The following AGMO variants were observed in gnomAD, a reference collection of about 807,000 sequenced individuals.
AGMO encodes glyceryl-ether monooxygenase.
Under a neutral mutation model 60.2 loss-of-function variants are expected in AGMO, and 75 were observed. That is an observed-to-expected ratio of 1.25 (90% confidence interval 1.03 to 1.51). The LOEUF (loss-of-function observed/expected upper bound fraction) is 1.51, where lower values mean the gene tolerates loss of function less well. Among genes scored for constraint, AGMO ranks in the 40% most tolerant of loss-of-function variants. The probability of loss-of-function intolerance (pLI) is 0.00; values close to 1 mark genes in which losing one functional copy is unlikely to be tolerated. For synonymous variants in AGMO, 261 were observed against 177.1 expected, an observed-to-expected ratio of 1.47 and a Z score of -3.76; for missense variants, 763 against 525.5, an observed-to-expected ratio of 1.45 and a Z score of -4.42.
intron 5 of AGMO, among the ~76,000 whole-genome samples, chr7:15,401,879 A>C (rs950617635): frequency 1.3e-5 from 2 of 152,066 alleles, no homozygotes; most frequent in Non-Finnish European, 2.9e-5. Flanking sequence ...CTCATAGTGG[A>C]ATAGATGTCT....
At chr7:15,254,173 T>C (rs1005060186) in intron 12 of AGMO, among the ~76,000 whole-genome samples, 1 of 152,204 alleles carries the variant, frequency 6.6e-6, no homozygotes, top group African/African-American at 2.4e-5. Flanking sequence ...ATATTGGTTA[T>C]CTTAATAGTG....
At chr7:15,475,529 TG>T in intron 3 of AGMO, among the ~76,000 whole-genome samples, 1 of 151,786 alleles carries the variant, frequency 6.6e-6, no homozygotes. Flanking sequence ...CATCACACAC[TG>T]GGGCCTGTCG....
chr7:15,557,199 C>T (rs116777152), intron 2 of AGMO, among the ~76,000 whole-genome samples: 2,286 of 152,076 alleles, frequency 0.015, 45 homozygotes, highest in African/African-American at 0.052. Flanking sequence ...ACATGAATGG[C>T]GAAGTGGAAA....
chr7:15,211,685 T>C (rs758474957), intron 12 of AGMO, among the ~76,000 whole-genome samples: 10 of 152,042 alleles, frequency 6.6e-5, no homozygotes, highest in Non-Finnish European at 1.5e-4. Flanking sequence ...CACTCACTAT[T>C]ACCAAACTAC....
chr7:15,372,847 T>TA (rs1783273847), intron 10 of AGMO, among the ~76,000 whole-genome samples: 1 of 152,262 alleles, frequency 6.6e-6, no homozygotes, highest in Non-Finnish European at 1.5e-5. Context: ...GAAATTATTC[T>TA]AAATTAGTTC....
At chr7:15,296,145 A>T (rs57215581) in intron 12 of AGMO, among the ~76,000 whole-genome samples, 10,438 of 152,180 alleles carry the variant, frequency 0.069, 537 homozygotes, top group South Asian at 0.2. Context: ...TTTTATAGTG[A>T]ATGGGACTAT....
intron 12 of AGMO, among the ~76,000 whole-genome samples, chr7:15,308,992 T>C (rs1282362488): frequency 6.6e-6 from 1 of 152,174 alleles, no homozygotes; most frequent in Admixed American, 6.6e-5. Context: ...TATTTGTTAA[T>C]GGTAAGCAAC....
intron 12 of AGMO, among the ~76,000 whole-genome samples, chr7:15,232,429 T>C (rs1782286841): frequency 6.6e-6 from 1 of 152,196 alleles, no homozygotes; most frequent in Non-Finnish European, 1.5e-5. Context: ...ACGTTCTTTC[T>C]TAGTAAACCA....
At chr7:15,175,302 A>G in the AGMO span, among the ~76,000 whole-genome samples, 1 of 151,922 alleles carries the variant, frequency 6.6e-6, no homozygotes, top group African/African-American at 2.4e-5. Flanking sequence ...TCCAGTACAA[A>G]AGGGAGTATT....
intron 12 of AGMO, among the ~76,000 whole-genome samples, chr7:15,210,594 T>A (rs1781561440): frequency 6.6e-6 from 1 of 152,156 alleles, no homozygotes; most frequent in Non-Finnish European, 1.5e-5. Context: ...GGAGCTTCAG[T>A]AATCTATATT....
At position 15,539,627 on chromosome 7, in the gene AGMO, A is replaced by G. The variant is rs375387821; in HGVS notation, c.409+5145T>C. 4.5e-4 allele frequency among the ~76,000 whole-genome samples: 68 copies of G among 152,276 alleles called. 1 individual carries two copies. The highest frequency in any genetic ancestry group is 1.6e-3 in the African/African-American group (67 of 41,552). On this transcript the variant is annotated intron_variant, in intron 3 of 12. Coordinates refer to ENST00000342526, the MANE Select transcript of AGMO (RefSeq NM_001004320.2). ...ACACATGCATGTGTCTTTATAATGG[A>G]ACAATTTATATTCCTTTGGGCATAT... is the stretch of plus-strand genomic sequence containing the variant.
At chr7:15,320,175 T>C (rs998638584) in intron 12 of AGMO, among the ~76,000 whole-genome samples, 12 of 151,948 alleles carry the variant, frequency 7.9e-5, no homozygotes, top group African/African-American at 2.7e-4. Flanking sequence ...GACGAGTTAA[T>C]GGGTGCAGCA....
At chr7:15,531,277 A>G (rs1195698783) in intron 3 of AGMO, among the ~76,000 whole-genome samples, 4 of 98,138 alleles carry the variant, frequency 4.1e-5, no homozygotes, top group Non-Finnish European at 7.2e-5. Flanking sequence ...TATTCTCTAT[A>G]TACATATTCT....
chr7:15,500,184 G>C (rs185598591), intron 3 of AGMO, among the ~76,000 whole-genome samples: 40 of 151,854 alleles, frequency 2.6e-4, no homozygotes, highest in African/African-American at 9.2e-4. Context: ...TAACAAATGA[G>C]CTTAACTGAA....
the AGMO span, among the ~76,000 whole-genome samples, chr7:15,184,613 G>GGA: frequency 2.7e-5 from 3 of 110,298 alleles, no homozygotes; most frequent in East Asian, 3.3e-4. Context: ...AAAGAAGGAA[G>GGA]AGAGGGAGGG....
In AGMO at chr7:15,322,625, T is replaced by G. The variant is rs1412356490; in HGVS notation, c.1263+42889A>C. ...ATAAATATATATAAATATATAAATA[T>G]ATATAAATATATATAAATATATAAA... is the stretch of plus-strand genomic sequence containing the variant. On this transcript the variant is annotated intron_variant, in intron 12 of 12. Coordinates refer to ENST00000342526, the MANE Select transcript of AGMO (RefSeq NM_001004320.2). 2.1e-4 allele frequency among the ~76,000 whole-genome samples: 15 copies of G among 72,778 alleles called. 3 individuals carry two copies. The highest frequency in any genetic ancestry group is 3.3e-4 in the Non-Finnish European group (15 of 45,054). The allele number at this position is 72,778 out of a possible 152,430, so 47.7% of individuals were successfully genotyped here.
At chr7:15,341,965 G>A (rs7799750) in intron 12 of AGMO, among the ~76,000 whole-genome samples, 29,502 of 151,484 alleles carry the variant, frequency 0.19, 3,112 homozygotes, top group East Asian at 0.42. Context: ...CCCATGGCAC[G>A]TAGGGATAAT....
At chr7:15,387,363 T>C (rs549463738) in intron 9 of AGMO, 43 bp downstream of exon 9, 2 of 1,598,574 alleles carry the variant, frequency 1.3e-6, no homozygotes, top group Admixed American at 1.7e-5. Context: ...CCTGACAATA[T>C]GAGACAATCT....
intron 3 of AGMO, among the ~76,000 whole-genome samples, chr7:15,517,888 C>A (rs1246467557): frequency 3.9e-5 from 6 of 152,098 alleles, no homozygotes; most frequent in Admixed American, 3.3e-4. Flanking sequence ...GAGGATCCCA[C>A]CCCCATGGAG....
Sources: gnomAD v4.1 joint callset for allele counts (sites outside exome capture counted in the v4.1 genomes callset) on GRCh38, gnomAD v4.1.1 for gene constraint, MANE v1.5 for transcripts, NCBI Gene and HGNC (gene_info 2026-07-23, HGNC 2026-07-21) for gene names.